Variants in ANKRD55 observed in about 807,000 individuals in gnomAD.
ANKRD55 encodes ankyrin repeat domain 55.
In ANKRD55, 41 loss-of-function variants were observed where a neutral mutation model predicts 60.6. That is an observed-to-expected ratio of 0.68 (90% confidence interval 0.53 to 0.88). The LOEUF (loss-of-function observed/expected upper bound fraction) is 0.88, where lower values mean the gene tolerates loss of function less well. Ranked by LOEUF, ANKRD55 falls within the 40% of genes least tolerant of loss-of-function variation. The pLI, the probability that ANKRD55 is intolerant of heterozygous loss-of-function variation, is 0.00. For synonymous variants in ANKRD55, 264 were observed against 290.3 expected, an observed-to-expected ratio of 0.91 and a Z score of 0.92; for missense variants, 732 against 767.6, an observed-to-expected ratio of 0.95 and a Z score of 0.55.
intron 5 of ANKRD55, among the ~76,000 whole-genome samples, chr5:56,166,142 C>CT: frequency 1.1e-5 from 1 of 93,618 alleles, no homozygotes; most frequent in South Asian, 3.4e-4. Context: ...TTCTTTCTTT[C>CT]TTTCTTTCTT....
chr5:56,141,435 C>T (rs1038404040), intron 7 of ANKRD55, among the ~76,000 whole-genome samples: 5 of 152,154 alleles, frequency 3.3e-5, no homozygotes, highest in African/African-American at 1.2e-4. Flanking sequence ...CTGGGCCCCA[C>T]CCCAGAACAA....
At chr5:56,166,095 T>TTTCTTTCTTTC (rs1758447976) in intron 5 of ANKRD55, among the ~76,000 whole-genome samples, 8 of 27,202 alleles carry the variant, frequency 2.9e-4, no homozygotes, top group Non-Finnish European at 5.7e-4. Context: ...TTTTTCTTTC[T>TTTCTTTCTTTC]TTCTTTCTTT....
At chr5:56,129,264 C>G (rs746203857) in intron 7 of ANKRD55, among the ~76,000 whole-genome samples, 1 of 151,996 alleles carries the variant, frequency 6.6e-6, no homozygotes, top group Non-Finnish European at 1.5e-5. Flanking sequence ...TAGGAAGAAT[C>G]GAGAGTAGGT....
chr5:56,102,622 C>T, intron 10 of ANKRD55, 36 bp from the exon 11 acceptor site: 2 of 1,480,078 alleles, frequency 1.4e-6, no homozygotes, highest in Non-Finnish European at 1.9e-6. Flanking sequence ...TTACTTGAGA[C>T]TCAACCAAGT....
At chr5:56,228,486 C>T (rs964593213) in intron 2 of ANKRD55, among the ~76,000 whole-genome samples, 2 of 150,410 alleles carry the variant, frequency 1.3e-5, no homozygotes, top group East Asian at 1.9e-4. Flanking sequence ...AGTGCAGTGG[C>T]GCGATCTTGG....
chr5:56,199,752 G>A (rs891591034), intron 2 of ANKRD55, among the ~76,000 whole-genome samples: 16 of 151,890 alleles, frequency 1.1e-4, no homozygotes, highest in East Asian at 3.9e-4. Context: ...TTAGCTGGGC[G>A]TGGTGGCGGG....
intron 5 of ANKRD55, 124 bp downstream of exon 5, chr5:56,170,570 C>CAGA (rs1554041041): frequency 1.9e-6 from 1 of 534,010 alleles, no homozygotes; most frequent in African/African-American, 2.0e-5. Context: ...GCTGCAACTT[C>CAGA]AAAAAAAAAA....
chr5:56,159,034 G>A (rs890742846), intron 6 of ANKRD55, among the ~76,000 whole-genome samples: 2 of 151,960 alleles, frequency 1.3e-5, no homozygotes, highest in Non-Finnish European at 2.9e-5. Context: ...TCTTCAGAGA[G>A]GGGGGTCTCA....
At chr5:56,193,285 C>T in intron 2 of ANKRD55, 1 of 1,083,890 alleles carries the variant, frequency 9.2e-7, no homozygotes, top group Non-Finnish European at 1.3e-6. Flanking sequence ...TGGGGAGATG[C>T]ATGGAAATTA....
chr5:56,157,961 C>T lies in ANKRD55; in HGVS notation c.483+1872G>A, dbSNP rs567246690. On this transcript the variant is annotated intron_variant, in intron 6 of 11. Transcript: ENST00000341048. ...TCACAGGTATGGAGGGGCAGGCCACCCCTTCACTCACAAGTTTGAGACCAG... is the reference window on the plus strand; with the variant it reads ...TCACAGGTATGGAGGGGCAGGCCACTCCTTCACTCACAAGTTTGAGACCAG... 7.0e-4 allele frequency among the ~76,000 whole-genome samples: 106 copies of T among 152,254 alleles called. 1 individual carries two copies. Among genetic ancestry groups the T allele is most frequent in the Non-Finnish European group, 1.4e-3 (92 of 68,010 alleles).
chr5:56,194,366 T>C (rs1759180863), intron 2 of ANKRD55, among the ~76,000 whole-genome samples: 1 of 151,668 alleles, frequency 6.6e-6, no homozygotes, highest in Admixed American at 6.6e-5. Flanking sequence ...TTGCTCAGTG[T>C]TGTTAATACA....
At chr5:56,186,724 A>G (rs1758983999) in intron 2 of ANKRD55, among the ~76,000 whole-genome samples, 1 of 152,182 alleles carries the variant, frequency 6.6e-6, no homozygotes, top group South Asian at 2.1e-4. Context: ...AAGTCCATAC[A>G]TTGCACAGAA....
At chr5:56,125,323 C>T (rs1227386494) in intron 8 of ANKRD55, among the ~76,000 whole-genome samples, 3 of 151,568 alleles carry the variant, frequency 2.0e-5, no homozygotes. Context: ...CTTAGTAACC[C>T]AGGCTGGAGT....
chr5:56,172,184 A>C (rs1178144223), intron 4 of ANKRD55, among the ~76,000 whole-genome samples: 1 of 152,108 alleles, frequency 6.6e-6, no homozygotes, highest in South Asian at 2.1e-4. Context: ...AATGATAAGA[A>C]AAGAACCTTT....
At chr5:56,220,685 C>T (rs1036855340) in intron 2 of ANKRD55, among the ~76,000 whole-genome samples, 3 of 152,010 alleles carry the variant, frequency 2.0e-5, no homozygotes, top group South Asian at 2.1e-4. Flanking sequence ...TGATGGTGGG[C>T]GTCTGTAATC....
intron 5 of ANKRD55, among the ~76,000 whole-genome samples, chr5:56,168,943 G>A (rs1265337969): frequency 1.3e-5 from 2 of 152,172 alleles, no homozygotes; most frequent in South Asian, 2.1e-4. Flanking sequence ...TGCAACCTCC[G>A]CCTCCTGGGT....
intron 2 of ANKRD55, among the ~76,000 whole-genome samples, chr5:56,189,355 A>G (rs1362826406): frequency 6.6e-6 from 1 of 151,970 alleles, no homozygotes; most frequent in East Asian, 1.9e-4. Context: ...TAAAATTTAA[A>G]ATTTTAACCA....
rs139797482 is a variant in ANKRD55 at position 56,100,248 on chromosome 5, G to T, written c.1780C>A (p.Arg594=). 3 of 1,614,178 alleles carry T rather than the reference G, an allele frequency of 1.9e-6. No homozygotes were observed. The highest frequency in any genetic ancestry group is 2.5e-6 in the Non-Finnish European group (3 of 1,180,038). Residue 594 remains arginine (R), a synonymous_variant, in exon 12 of 12, where the codon CGA becomes AGA. Coordinates refer to ENST00000341048, the MANE Select transcript of ANKRD55 (RefSeq NM_024669.3). ...TCTTCTGCTGCTGTGCTGTGTCTTC[G>T]TTGACTTGGAATTGCAGGAAGCACT... ...NRVLPAIPSQ[R]RHSTAAEESE... is the part of the protein sequence containing the mutation.
chr5:56,186,626 A>C lies in ANKRD55; in HGVS notation c.59-2992T>G, dbSNP rs201684002. On this transcript the variant is annotated intron_variant, in intron 2 of 11. Transcript: ENST00000341048. ...ATATTTGCTGTGACTACTGCTACTT[A>C]AAAAATTTTTTTTTGGTGCGTTTAG... 0.012 allele frequency among the ~76,000 whole-genome samples: 1,832 copies of C among 152,238 alleles called. 117 individuals carry two copies. The East Asian group carries it at 0.2, about 17-fold the overall frequency.
Sources: gnomAD v4.1 joint callset for allele counts (sites outside exome capture counted in the v4.1 genomes callset) on GRCh38, gnomAD v4.1.1 for gene constraint, MANE v1.5 for transcripts, NCBI Gene and HGNC (gene_info 2026-07-23, HGNC 2026-07-21) for gene names.